The following ZNF678 variants were observed in gnomAD, a reference collection of about 807,000 sequenced individuals.
ZNF678 encodes the protein hypothetical protein MGC42493.
In ZNF678, 5 loss-of-function variants were observed where a neutral mutation model predicts 3.0. The ratio of observed to expected loss-of-function variants is 1.69; its 90% confidence interval spans 0.88 to 3.56. The LOEUF (loss-of-function observed/expected upper bound fraction) is 3.56, where lower values mean the gene tolerates loss of function less well. ZNF678 is among the 30% of genes most tolerant of loss of function. ZNF678 has a pLI of 0.00. For missense variants in ZNF678, 593 were observed against 605.0 expected (o/e 0.98, Z 0.21); for synonymous variants, 218 against 199.6 (o/e 1.09, Z -0.78).
chr1:227,641,756 C>T (rs1658826328), intron 1 of ZNF678, among the ~76,000 whole-genome samples: 1 of 111,308 alleles, frequency 9.0e-6, no homozygotes, highest in Non-Finnish European at 1.7e-5. Flanking sequence ...GACCATATTT[C>T]TACAAAAAAA....
chr1:227,577,231 C>T (rs1400907979), intron 1 of ZNF678, among the ~76,000 whole-genome samples: 3 of 152,064 alleles, frequency 2.0e-5, no homozygotes, highest in Non-Finnish European at 2.9e-5. Context: ...TTTGGGTGTA[C>T]AGTTCTGTGG....
chr1:227,644,156 C>CGGT (rs1378882591), intron 1 of ZNF678, among the ~76,000 whole-genome samples: 1 of 152,084 alleles, frequency 6.6e-6, no homozygotes, highest in Admixed American at 6.5e-5. Context: ...TGAGCCACCA[C>CGGT]GCCTGGCCTA....
At chr1:227,653,875 G>T (rs955061504) in intron 3 of ZNF678, among the ~76,000 whole-genome samples, 3 of 152,082 alleles carry the variant, frequency 2.0e-5, no homozygotes, top group Non-Finnish European at 4.4e-5. Flanking sequence ...TCTTTCAGCA[G>T]TCTTTGTTAT....
In ZNF678 at chr1:227,645,876, A is replaced by G. The variant is rs139926959; in HGVS notation, c.-163-668A>G. Among the ~76,000 whole-genome samples the G allele has an allele frequency of 3.4e-3, 517 of 152,312 alleles. 12 individuals are homozygous for G. The highest frequency in any genetic ancestry group is 0.029 in the South Asian group (140 of 4,824). ...GACAGATTTCTGCACTATAAAGCAA[A>G]TTAGTTTTCTCTGTATTATTAAGTA... On this transcript the variant is annotated intron_variant, in intron 1 of 3. Transcript: ENST00000343776.
At chr1:227,613,179 C>G (rs568682164) in intron 1 of ZNF678, among the ~76,000 whole-genome samples, 32 of 152,306 alleles carry the variant, frequency 2.1e-4, no homozygotes, top group African/African-American at 7.5e-4. Flanking sequence ...TTTACAGCTA[C>G]TCACTACCTC....
chr1:227,587,528 G>T (rs1165201352), intron 1 of ZNF678, among the ~76,000 whole-genome samples: 1 of 152,088 alleles, frequency 6.6e-6, no homozygotes, highest in South Asian at 2.1e-4. Flanking sequence ...ATCTTGTCTA[G>T]AACCAAAAGT....
downstream of ZNF678, among the ~76,000 whole-genome samples, chr1:227,663,534 A>G (rs1659451638): frequency 6.6e-6 from 1 of 152,178 alleles, no homozygotes; most frequent in South Asian, 2.1e-4. Flanking sequence ...TTTTGTAAAC[A>G]CTTCCCTCAT....
chr1:227,632,392 G>A (rs1658568057), intron 1 of ZNF678, among the ~76,000 whole-genome samples: 1 of 152,162 alleles, frequency 6.6e-6, no homozygotes, highest in Admixed American at 6.5e-5. Context: ...AGTCGTGGCT[G>A]GGACCTAGGA....
intron 1 of ZNF678, among the ~76,000 whole-genome samples, chr1:227,566,115 A>G (rs1656678501): frequency 6.6e-6 from 1 of 152,184 alleles, no homozygotes; most frequent in Non-Finnish European, 1.5e-5. Flanking sequence ...GAATGGCCCA[A>G]GATGCCCACA....
chr1:227,584,129 G>C (rs1277304898), intron 1 of ZNF678, among the ~76,000 whole-genome samples: 1 of 152,278 alleles, frequency 6.6e-6, no homozygotes, highest in East Asian at 1.9e-4. Context: ...CACACCAATT[G>C]AATTAACATT....
At chr1:227,641,439 A>C (rs1658818319) in intron 1 of ZNF678, among the ~76,000 whole-genome samples, 2 of 152,212 alleles carry the variant, frequency 1.3e-5, no homozygotes, top group South Asian at 4.1e-4. Flanking sequence ...GTCTCTTAGC[A>C]GATGACGTGA....
downstream of ZNF678, among the ~76,000 whole-genome samples, chr1:227,666,116 G>A (rs1659500825): frequency 6.6e-6 from 1 of 152,200 alleles, no homozygotes; most frequent in Non-Finnish European, 1.5e-5. Context: ...GTTATCTGAC[G>A]TATATTGCAT....
At chr1:227,592,317 A>C (rs1657437856) in intron 1 of ZNF678, among the ~76,000 whole-genome samples, 1 of 152,254 alleles carries the variant, frequency 6.6e-6, no homozygotes, top group South Asian at 2.1e-4. Context: ...GTTTTGCCTA[A>C]GAGTTAGCTT....
chr1:227,587,444 T>C (rs1364130355), intron 1 of ZNF678, among the ~76,000 whole-genome samples: 1 of 152,218 alleles, frequency 6.6e-6, no homozygotes, highest in Non-Finnish European at 1.5e-5. Flanking sequence ...TCAGAGTCTT[T>C]AGACTGATGC....
At chr1:227,604,894 C>T (rs748025307) in intron 1 of ZNF678, among the ~76,000 whole-genome samples, 12 of 151,656 alleles carry the variant, frequency 7.9e-5, no homozygotes, top group African/African-American at 2.7e-4. Context: ...TTCGTTTTGT[C>T]GCCCAGGCTG....
At chr1:227,603,077 G>A (rs1439017750) in intron 1 of ZNF678, among the ~76,000 whole-genome samples, 1 of 152,198 alleles carries the variant, frequency 6.6e-6, no homozygotes, top group Non-Finnish European at 1.5e-5. Flanking sequence ...GCTGCTGCTG[G>A]TTGTGCCGGG....
At chr1:227,575,688 A>T (rs2102721307) in intron 1 of ZNF678, among the ~76,000 whole-genome samples, 1 of 152,334 alleles carries the variant, frequency 6.6e-6, no homozygotes, top group East Asian at 1.9e-4. Context: ...GTCATCTGCA[A>T]ACAGGTATAG....
chr1:227,643,988 C>T (rs1323076939), intron 1 of ZNF678, among the ~76,000 whole-genome samples: 18 of 151,592 alleles, frequency 1.2e-4, no homozygotes, highest in Admixed American at 2.0e-4. Context: ...GTCAGCCTCC[C>T]GAGTGGCTGG....
chr1:227,606,843 C>T (rs908509717), intron 1 of ZNF678, among the ~76,000 whole-genome samples: 14 of 152,212 alleles, frequency 9.2e-5, no homozygotes, highest in African/African-American at 3.1e-4. Context: ...AGCCCCAAAT[C>T]CCTTAAACCT....
Sources: allele counts gnomAD v4.1 joint callset (sites outside exome capture counted in the v4.1 genomes callset), GRCh38; gene constraint gnomAD v4.1.1; transcripts MANE v1.5; gene names NCBI Gene and HGNC (gene_info 2026-07-23, HGNC 2026-07-21).